HTR7: variants seen among roughly 807,000 people sequenced by gnomAD.
HTR7 encodes the protein 5-HT-7.
A neutral mutation model predicts 34.0 loss-of-function variants in HTR7; 16 were observed. The observed-to-expected ratio is 0.47, with a 90% CI of 0.32 to 0.71. HTR7 has a LOEUF of 0.71. HTR7 is among the 30% of genes least tolerant of loss of function. The probability of loss-of-function intolerance (pLI) is 0.04; values close to 1 mark genes in which losing one functional copy is unlikely to be tolerated. For missense variants in HTR7, 504 were observed against 625.5 expected (o/e 0.81, Z 2.07); for synonymous variants, 265 against 260.2 (o/e 1.02, Z -0.18).
intron 1 of HTR7, among the ~76,000 whole-genome samples, chr10:90,796,462 AT>A (rs1367907478): frequency 6.6e-6 from 1 of 152,202 alleles, no homozygotes; most frequent in Non-Finnish European, 1.5e-5. Context: ...TACAAAACAA[AT>A]TTTAGACCAG....
At position 90,749,300 on chromosome 10, in the gene HTR7, G is replaced by A; in HGVS notation, c.834C>T (p.Phe278=). Residue 278 remains phenylalanine, a synonymous_variant, in exon 2 of 4, where the codon TTC becomes TTT. Coordinates refer to ENST00000336152, the MANE Select transcript of HTR7 (RefSeq NM_019859.4). The surrounding 1 kb of genome is among the most constrained non-coding windows in gnomAD (Gnocchi z 4.2). ...KSAAKHKFPG[F]PRVEPDSVIA... is the part of the protein sequence containing the mutation. ...TGACGCTGTCTGGCTCCACTCGAGG[G>A]AAGCCAGGAAACTTGTGTTTGGCAG... The A allele has an allele frequency of 1.9e-6, 3 of 1,614,148 alleles. No homozygotes were observed. Among genetic ancestry groups the A allele is most frequent in the Non-Finnish European group, 2.5e-6 (3 of 1,180,022 alleles).
rs1410001665 is a variant in HTR7, at chr10:90,749,711, T to A, written c.540-117A>T. 1.1e-6 allele frequency: 1 copy of A among 874,320 alleles called. No individual in the cohort carries two copies. Among genetic ancestry groups the A allele is most frequent in the Non-Finnish European group, 1.8e-6 (1 of 566,780 alleles). The allele number at this position is 874,320 out of a possible 1,614,324, so 54.2% of individuals were successfully genotyped here. On this transcript the variant is annotated intron_variant, in intron 1 of 3. Transcript: ENST00000336152. The surrounding 1 kb of genome is among the most constrained non-coding windows in gnomAD (Gnocchi z 4.2). Reference sequence around the variant, plus strand: ...TCGCAACAGCCCTTCTAGGTAGGCATCATTACTCCCATTTTGCAGAAAGGT... The same window carrying A: ...TCGCAACAGCCCTTCTAGGTAGGCAACATTACTCCCATTTTGCAGAAAGGT...
At chr10:90,844,531 C>A (rs1846380765) in intron 1 of HTR7, among the ~76,000 whole-genome samples, 1 of 151,396 alleles carries the variant, frequency 6.6e-6, no homozygotes, top group African/African-American at 2.4e-5. Context: ...CGAGACCATC[C>A]TGGCTAACAC....
intron 1 of HTR7, among the ~76,000 whole-genome samples, chr10:90,838,560 CTA>C (rs1287913114): frequency 1.3e-5 from 2 of 152,218 alleles, no homozygotes; most frequent in Non-Finnish European, 2.9e-5. Context: ...CCATTTCACC[CTA>C]TGTTTCAAAG....
chr10:90,832,043 T>C (rs1301264868), intron 1 of HTR7, among the ~76,000 whole-genome samples: 1 of 152,222 alleles, frequency 6.6e-6, no homozygotes. Context: ...GATTGGTGTA[T>C]TTACAATCCC....
chr10:90,744,924 C>CA lies in HTR7; in HGVS notation c.1296-1235dup, dbSNP rs541372334. On this transcript the variant is annotated intron_variant, in intron 2 of 3. Coordinates refer to ENST00000336152, the MANE Select transcript of HTR7 (RefSeq NM_019859.4). ...ATAAGCTCCCACATTGGTGCCTTTA[C>CA]AAAAAAAGTCCTCTTCACCTAGAAT... Among the ~76,000 whole-genome samples, 26 of 152,160 alleles carry CA rather than the reference C, an allele frequency of 1.7e-4. No individual in the cohort carries two copies. In the East Asian group the frequency reaches 4.6e-3, roughly 27 times the overall value.
chr10:90,805,174 T>C (rs1845685618), intron 1 of HTR7, among the ~76,000 whole-genome samples: 1 of 152,174 alleles, frequency 6.6e-6, no homozygotes, highest in Non-Finnish European at 1.5e-5. Context: ...CTGAAGACAG[T>C]TATTTACAGG....
At chr10:90,811,098 C>T (rs985847237) in intron 1 of HTR7, among the ~76,000 whole-genome samples, 2 of 152,162 alleles carry the variant, frequency 1.3e-5, no homozygotes, top group African/African-American at 4.8e-5. Flanking sequence ...AGAGACTGCC[C>T]CAACCCGAGC....
intron 1 of HTR7, among the ~76,000 whole-genome samples, chr10:90,756,593 G>GAAAGCAAC (rs1201971881): frequency 6.6e-6 from 1 of 152,090 alleles, no homozygotes; most frequent in East Asian, 1.9e-4. Context: ...GAGGGGGGAA[G>GAAAGCAAC]AAAGCAACAA....
intron 1 of HTR7, among the ~76,000 whole-genome samples, chr10:90,777,973 CTA>C (rs1303219980): frequency 1.3e-5 from 2 of 152,336 alleles, no homozygotes; most frequent in African/African-American, 4.8e-5. Flanking sequence ...GAAAATTCCT[CTA>C]TGAACACTTC....
chr10:90,853,287 CT>C (rs35477812), intron 1 of HTR7, among the ~76,000 whole-genome samples: 26,044 of 109,916 alleles, frequency 0.24, 2,934 homozygotes, highest in African/African-American at 0.44. Flanking sequence ...TTTTTTTTTT[CT>C]TTTTTTTTTT....
chr10:90,814,387 G>A (rs912867695), intron 1 of HTR7, among the ~76,000 whole-genome samples: 1 of 152,202 alleles, frequency 6.6e-6, no homozygotes, highest in East Asian at 1.9e-4. Flanking sequence ...GGCACCCTAT[G>A]TAATGCTACT....
At chr10:90,819,982 C>T (rs1845953550) in intron 1 of HTR7, among the ~76,000 whole-genome samples, 1 of 151,920 alleles carries the variant, frequency 6.6e-6, no homozygotes, top group Non-Finnish European at 1.5e-5. Context: ...AGCTTAAATG[C>T]TCTTAAGTAA....
chr10:90,845,588 G>A (rs1243184895), intron 1 of HTR7, among the ~76,000 whole-genome samples: 1 of 152,184 alleles, frequency 6.6e-6, no homozygotes, highest in Non-Finnish European at 1.5e-5. Flanking sequence ...GAGATACCAT[G>A]TGTCAAGTGT....
chr10:90,814,466 T>G (rs1189512934), intron 1 of HTR7, among the ~76,000 whole-genome samples: 1 of 152,170 alleles, frequency 6.6e-6, no homozygotes, highest in Non-Finnish European at 1.5e-5. Context: ...CTCATGGGTC[T>G]TACAGATGCT....
chr10:90,853,276 C>CTTTTTTT (rs1211825774), intron 1 of HTR7, among the ~76,000 whole-genome samples: 1 of 127,640 alleles, frequency 7.8e-6, no homozygotes. Flanking sequence ...AATTTGATTT[C>CTTTTTTT]TTTTTTTTTT....
At chr10:90,829,655 A>G (rs139523180) in intron 1 of HTR7, among the ~76,000 whole-genome samples, 1 of 152,346 alleles carries the variant, frequency 6.6e-6, no homozygotes, top group East Asian at 1.9e-4. Context: ...TATAAGAGGC[A>G]TTCAAATTGC....
intron 1 of HTR7, among the ~76,000 whole-genome samples, chr10:90,832,139 A>C (rs1205963219): frequency 6.6e-6 from 1 of 152,342 alleles, no homozygotes; most frequent in East Asian, 1.9e-4. Context: ...CTGGGGCTGC[A>C]GGTGGAGCTG....
chr10:90,810,802 C>T (rs911517390), intron 1 of HTR7, among the ~76,000 whole-genome samples: 2 of 152,328 alleles, frequency 1.3e-5, no homozygotes, highest in African/African-American at 4.8e-5. Flanking sequence ...GCTTAACAGA[C>T]ATCCCCCATT....
Sources: allele counts gnomAD v4.1 joint callset (sites outside exome capture counted in the v4.1 genomes callset), GRCh38; gene constraint gnomAD v4.1.1; non-coding constraint Gnocchi (gnomAD v3.1); transcripts MANE v1.5; gene names NCBI Gene and HGNC (gene_info 2026-07-23, HGNC 2026-07-21).